ITFG1: variants seen among roughly 807,000 people sequenced by gnomAD.
The protein encoded by ITFG1 is T-cell immunomodulatory protein.
ITFG1 carries 34 observed loss-of-function variants against 81.8 expected under a neutral mutation model. That is an observed-to-expected ratio of 0.42 (90% CI 0.32 to 0.55). The LOEUF is 0.55. Among genes scored for constraint, ITFG1 ranks in the 20% least tolerant of loss-of-function variants. ITFG1 has a pLI of 0.17. For synonymous variants in ITFG1, 285 were observed against 270.6 expected, an observed-to-expected ratio of 1.05 and a Z score of -0.52; for missense variants, 672 against 755.4, an observed-to-expected ratio of 0.89 and a Z score of 1.29.
chr16:47,414,545 AAAAAACAAAC>A (rs954654035), intron 6 of ITFG1, among the ~76,000 whole-genome samples: 7 of 148,808 alleles, frequency 4.7e-5, no homozygotes, highest in African/African-American at 1.8e-4. Context: ...AACAAAAAAC[AAAAAACAAAC>A]AACAACAACA....
intron 6 of ITFG1, among the ~76,000 whole-genome samples, chr16:47,382,003 A>G (rs2151592581): frequency 6.6e-6 from 1 of 152,370 alleles, no homozygotes; most frequent in East Asian, 1.9e-4. Context: ...AGGGAACTGG[A>G]TGAAGCAAAA....
At chr16:47,380,998 C>G (rs1368190082) in intron 6 of ITFG1, among the ~76,000 whole-genome samples, 1 of 152,148 alleles carries the variant, frequency 6.6e-6, no homozygotes, top group Non-Finnish European at 1.5e-5. Context: ...ACTACAGAGA[C>G]ATAGACAAGT....
At chr16:47,439,925 T>G (rs1337159998) in intron 5 of ITFG1, among the ~76,000 whole-genome samples, 1 of 152,224 alleles carries the variant, frequency 6.6e-6, no homozygotes, top group African/African-American at 2.4e-5. Flanking sequence ...ATCAGTTTGC[T>G]GTATTCAGGA....
chr16:47,183,809 G>C (rs1368210953), intron 14 of ITFG1, among the ~76,000 whole-genome samples: 3 of 152,210 alleles, frequency 2.0e-5, no homozygotes, highest in Non-Finnish European at 4.4e-5. Flanking sequence ...CGAGCTGAGA[G>C]AAGAAGGCTT....
chr16:47,407,783 G>A (rs1968747810), intron 6 of ITFG1, among the ~76,000 whole-genome samples: 1 of 152,146 alleles, frequency 6.6e-6, no homozygotes, highest in African/African-American at 2.4e-5. Flanking sequence ...ATCAGACATG[G>A]ACATAAAAGT....
At chr16:47,200,163 C>T (rs1343757122) in intron 14 of ITFG1, among the ~76,000 whole-genome samples, 2 of 152,160 alleles carry the variant, frequency 1.3e-5, no homozygotes, top group Non-Finnish European at 2.9e-5. Context: ...GTGAAGTAGG[C>T]TATACCATCT....
intron 14 of ITFG1, among the ~76,000 whole-genome samples, chr16:47,181,418 C>CG (rs1965116344): frequency 6.8e-6 from 1 of 146,930 alleles, no homozygotes; most frequent in African/African-American, 2.6e-5. Flanking sequence ...TCAGCCCCCC[C>CG]GCCCGGCCAG....
intron 8 of ITFG1, among the ~76,000 whole-genome samples, chr16:47,337,173 A>G (rs559134545): frequency 6.6e-6 from 1 of 151,818 alleles, no homozygotes; most frequent in Non-Finnish European, 1.5e-5. Flanking sequence ...AAAAAAAGAA[A>G]GAAATTAGGA....
At chr16:47,192,870 G>C (rs927669822) in intron 14 of ITFG1, among the ~76,000 whole-genome samples, 1 of 152,082 alleles carries the variant, frequency 6.6e-6, no homozygotes, top group African/African-American at 2.4e-5. Flanking sequence ...TCTAAGGCTG[G>C]GCCTCCAGGA....
chr16:47,443,320 C>T (rs1969279159), intron 5 of ITFG1, among the ~76,000 whole-genome samples: 1 of 152,234 alleles, frequency 6.6e-6, no homozygotes, highest in African/African-American at 2.4e-5. Context: ...CTAGTTCAAC[C>T]ATTGTGGAAG....
chr16:47,386,181 T>TA (rs894496780), intron 6 of ITFG1, among the ~76,000 whole-genome samples: 7 of 151,784 alleles, frequency 4.6e-5, no homozygotes, highest in Middle Eastern at 3.4e-3. Flanking sequence ...GGGAAATTAT[T>TA]AAAAAAAAAT....
At chr16:47,277,579 A>G (rs1336158854) in intron 10 of ITFG1, among the ~76,000 whole-genome samples, 1 of 152,226 alleles carries the variant, frequency 6.6e-6, no homozygotes, top group Non-Finnish European at 1.5e-5. Context: ...ATAAGAATAT[A>G]TTTACAATAT....
chr16:47,298,761 G>A (rs138793353), intron 10 of ITFG1, among the ~76,000 whole-genome samples: 160 of 152,264 alleles, frequency 1.1e-3, no homozygotes, highest in African/African-American at 3.2e-3. Context: ...GATTTGCCTT[G>A]TGTTTTGGAG....
At chr16:47,270,387 T>C (rs1966325763) in intron 10 of ITFG1, among the ~76,000 whole-genome samples, 1 of 152,180 alleles carries the variant, frequency 6.6e-6, no homozygotes, top group African/African-American at 2.4e-5. Flanking sequence ...TCCTAATTTA[T>C]TAAATAAACT....
At chr16:47,431,295 G>A (rs922504541) in intron 5 of ITFG1, among the ~76,000 whole-genome samples, 1 of 152,228 alleles carries the variant, frequency 6.6e-6, no homozygotes, top group African/African-American at 2.4e-5. Flanking sequence ...AGGCAAGTGA[G>A]CATCACCTCA....
At chr16:47,215,046 C>T (rs1965608980) in intron 14 of ITFG1, among the ~76,000 whole-genome samples, 1 of 152,106 alleles carries the variant, frequency 6.6e-6, no homozygotes, top group South Asian at 2.1e-4. Flanking sequence ...TTCTACTGTT[C>T]TCTTTTATTC....
intron 12 of ITFG1, among the ~76,000 whole-genome samples, chr16:47,248,369 A>G (rs1185412360): frequency 6.6e-6 from 1 of 152,212 alleles, no homozygotes; most frequent in Non-Finnish European, 1.5e-5. Flanking sequence ...ATGTTTTACA[A>G]TAGGCTCTCT....
chr16:47,367,317 T>C (rs1354853158), intron 7 of ITFG1, among the ~76,000 whole-genome samples: 4 of 152,196 alleles, frequency 2.6e-5, no homozygotes, highest in Non-Finnish European at 4.4e-5. Flanking sequence ...GTAGGCATGA[T>C]TGGTTAAACC....
At chr16:47,438,909 C>A (rs140605012) in intron 5 of ITFG1, among the ~76,000 whole-genome samples, 296 of 152,074 alleles carry the variant, frequency 1.9e-3, no homozygotes, top group Non-Finnish European at 3.5e-3. Flanking sequence ...GAAGTTTGAA[C>A]CAATGGCAAA....
Sources: gnomAD v4.1 joint callset for allele counts (sites outside exome capture counted in the v4.1 genomes callset) on GRCh38, gnomAD v4.1.1 for gene constraint, MANE v1.5 for transcripts, NCBI Gene and HGNC (gene_info 2026-07-23, HGNC 2026-07-21) for gene names.